Variants in KIAA0825 observed in about 807,000 individuals in gnomAD.
The protein encoded by KIAA0825 is uncharacterized protein KIAA0825.
A neutral mutation model predicts 147.6 loss-of-function variants in KIAA0825; 119 were observed. That is an observed-to-expected ratio of 0.81 (90% CI 0.69 to 0.94). The LOEUF (loss-of-function observed/expected upper bound fraction) is 0.94, where lower values mean the gene tolerates loss of function less well. Among genes scored for constraint, KIAA0825 ranks in the 40% least tolerant of loss-of-function variants. KIAA0825 has a pLI of 0.00. For missense variants in KIAA0825, 1,381 were observed against 1,472.7 expected (o/e 0.94, Z 1.02); for synonymous variants, 470 against 518.1 (o/e 0.91, Z 1.26).
chr5:94,347,976 A>G lies in KIAA0825; in HGVS notation c.3710+36392T>C, dbSNP rs183286539. Reference sequence around the variant, plus strand: ...ATCAAAAATTCAGGAAAGGTTGGACATATGTTTAGAAATGCAAAATGCTCT... The same window carrying G: ...ATCAAAAATTCAGGAAAGGTTGGACGTATGTTTAGAAATGCAAAATGCTCT... On this transcript the variant is annotated intron_variant, in intron 20 of 20. Coordinates refer to ENST00000682413, the MANE Select transcript of KIAA0825 (RefSeq NM_001145678.3). Among the ~76,000 whole-genome samples the G allele has an allele frequency of 2.2e-3, 341 of 152,332 alleles. 1 individual carries two copies. Among genetic ancestry groups the G allele is most frequent in the African/African-American group, 8.1e-3 (337 of 41,566 alleles).
At chr5:94,342,204 A>G (rs911627017) in intron 20 of KIAA0825, among the ~76,000 whole-genome samples, 3 of 152,166 alleles carry the variant, frequency 2.0e-5, no homozygotes, top group Admixed American at 6.5e-5. Context: ...TCAAAAAAAA[A>G]AAAGAACAAC....
intron 20 of KIAA0825, among the ~76,000 whole-genome samples, chr5:94,351,485 A>G (rs1441317639): frequency 6.6e-6 from 1 of 152,236 alleles, no homozygotes; most frequent in Non-Finnish European, 1.5e-5. Context: ...AGATGGGTAG[A>G]ATCAATTTTG....
intron 20 of KIAA0825, among the ~76,000 whole-genome samples, chr5:94,263,251 T>G (rs1776588556): frequency 6.6e-6 from 1 of 152,168 alleles, no homozygotes; most frequent in Non-Finnish European, 1.5e-5. Context: ...ATTTTTTTCT[T>G]TCAATTCTGG....
chr5:94,183,925 C>A (rs557100090), intron 20 of KIAA0825, among the ~76,000 whole-genome samples: 16 of 152,236 alleles, frequency 1.1e-4, no homozygotes, highest in South Asian at 2.1e-4. Context: ...AATTATCAAA[C>A]CTGAATGAGT....
At chr5:94,389,012 G>A (rs1048691932) in intron 18 of KIAA0825, among the ~76,000 whole-genome samples, 2 of 152,134 alleles carry the variant, frequency 1.3e-5, no homozygotes, top group Admixed American at 1.3e-4. Flanking sequence ...GCACCTGACG[G>A]TCATTACTTG....
intron 2 of KIAA0825, among the ~76,000 whole-genome samples, chr5:94,571,988 T>C (rs1780054938): frequency 6.6e-6 from 1 of 151,950 alleles, no homozygotes; most frequent in Non-Finnish European, 1.5e-5. Flanking sequence ...ACTATGAGAC[T>C]GAGGTGGGAG....
At chr5:94,157,673 A>G (rs1767162028) in intron 20 of KIAA0825, among the ~76,000 whole-genome samples, 1 of 152,226 alleles carries the variant, frequency 6.6e-6, no homozygotes, top group African/African-American at 2.4e-5. Context: ...ACCATGAGCT[A>G]AGACCTTTCT....
At chr5:94,386,126 G>A (rs1383141922) in intron 19 of KIAA0825, 116 bp downstream of exon 19, 3 of 818,890 alleles carry the variant, frequency 3.7e-6, no homozygotes, top group South Asian at 4.1e-5. Flanking sequence ...TAAGAACAAG[G>A]CCTTTTGCTT....
intron 1 of KIAA0825, among the ~76,000 whole-genome samples, chr5:94,615,923 G>T (rs2152451560): frequency 6.6e-6 from 1 of 152,128 alleles, no homozygotes; most frequent in African/African-American, 2.4e-5. Flanking sequence ...TTTATTAAAG[G>T]AAGTATAGAA....
At chr5:94,593,860 T>A (rs1784783422) in intron 1 of KIAA0825, 2 of 369,888 alleles carry the variant, frequency 5.4e-6, no homozygotes, top group Non-Finnish European at 1.1e-5. Context: ...AGATGTCCAT[T>A]CTGGCCTCTG....
chr5:94,410,829 C>T (rs1752663344), intron 15 of KIAA0825, among the ~76,000 whole-genome samples: 1 of 151,816 alleles, frequency 6.6e-6, no homozygotes, highest in Admixed American at 6.6e-5. Context: ...AAATTAATGC[C>T]AGAGATTTGT....
chr5:94,488,672 T>C (rs1039627416), intron 5 of KIAA0825, among the ~76,000 whole-genome samples: 14 of 152,234 alleles, frequency 9.2e-5, no homozygotes, highest in African/African-American at 3.4e-4. Context: ...ATAATGAAAG[T>C]TATTTATTTC....
Position 94,460,749 on chromosome 5 carries a change from G to A in KIAA0825, c.2246+1638C>T, listed in dbSNP as rs556800693. On this transcript the variant is annotated intron_variant, in intron 12 of 20. Transcript: ENST00000682413. ...TTTTTCCCTAATTGGCAAAGAACAT[G>A]TTGCCCTGTATATTTCATTTGTCAA... Among the ~76,000 whole-genome samples, 516 of 152,076 alleles carry A rather than the reference G, an allele frequency of 3.4e-3. 18 individuals carry two copies. In the East Asian group the frequency reaches 0.079, roughly 23 times the overall value.
chr5:94,262,437 T>C (rs1337368893), intron 20 of KIAA0825, among the ~76,000 whole-genome samples: 2 of 152,140 alleles, frequency 1.3e-5, no homozygotes, highest in Non-Finnish European at 2.9e-5. Flanking sequence ...GCTTTTACAC[T>C]TACAGAAATA....
chr5:94,367,288 G>A (rs1002352584), intron 20 of KIAA0825, among the ~76,000 whole-genome samples: 8 of 152,290 alleles, frequency 5.3e-5, no homozygotes, highest in African/African-American at 1.9e-4. Flanking sequence ...CCCGAGGTGA[G>A]GAGTTTGAGG....
At position 94,549,662 on chromosome 5, in the gene KIAA0825, G is replaced by A. The variant is rs571278327; in HGVS notation, c.-1-12535C>T. 1.9e-3 allele frequency among the ~76,000 whole-genome samples: 285 copies of A among 152,230 alleles called. 1 individual carries two copies. Among genetic ancestry groups the A allele is most frequent in the Non-Finnish European group, 2.5e-3 (169 of 68,010 alleles). ...CAGGAGGCAGAGGTTGCAGTGAGCC[G>A]AGATTGAGCTACTGCACTTCAGCCA... On this transcript the variant is annotated intron_variant, in intron 2 of 20. Coordinates refer to ENST00000682413, the MANE Select transcript of KIAA0825 (RefSeq NM_001145678.3).
intron 20 of KIAA0825, among the ~76,000 whole-genome samples, chr5:94,288,031 G>C (rs1777730359): frequency 6.6e-6 from 1 of 152,140 alleles, no homozygotes; most frequent in Non-Finnish European, 1.5e-5. Flanking sequence ...AAGGACATGA[G>C]CCATGTCTAT....
In KIAA0825 at chr5:94,395,273, G is replaced by C. The variant is rs12654152; in HGVS notation, c.3296+828C>G. Among the ~76,000 whole-genome samples the C allele has an allele frequency of 7.2e-5, 11 of 152,234 alleles. No individual in the cohort carries two copies. The East Asian group carries it at 2.1e-3, about 29-fold the overall frequency. ...ACTAGTAAGAGTAACCATATTTCAA[G>C]TGACTTTTAGTCATTTTGGGCAGAA... On this transcript the variant is annotated intron_variant, in intron 17 of 20. Coordinates refer to ENST00000682413, the MANE Select transcript of KIAA0825 (RefSeq NM_001145678.3).
rs555689544 is a variant in KIAA0825, at chr5:94,284,211, C to T, written c.3710+100157G>A. Among the ~76,000 whole-genome samples, 8 of 152,102 alleles carry T rather than the reference C, an allele frequency of 5.3e-5. No individual in the cohort carries two copies. The South Asian group carries it at 1.7e-3, about 31-fold the overall frequency. ...CCTCTTCTTGGACCTTTCATGTTCT[C>T]AAATTTGCTATAGTTTCCCAATACC... On this transcript the variant is annotated intron_variant, in intron 20 of 20. Transcript: ENST00000682413.
Sources: allele counts gnomAD v4.1 joint callset (sites outside exome capture counted in the v4.1 genomes callset), GRCh38; gene constraint gnomAD v4.1.1; transcripts MANE v1.5; gene names NCBI Gene and HGNC (gene_info 2026-07-23, HGNC 2026-07-21).